POLR3B: variants seen among roughly 807,000 people sequenced by gnomAD.
The protein encoded by POLR3B is RNA polymerase III subunit B, also known as DNA-directed RNA polymerase III subunit RPC2.
Under a neutral mutation model 147.4 loss-of-function variants are expected in POLR3B, and 96 were observed. The ratio of observed to expected loss-of-function variants is 0.65; its 90% confidence interval spans 0.55 to 0.77. The LOEUF (loss-of-function observed/expected upper bound fraction) is 0.77, where lower values mean the gene tolerates loss of function less well. POLR3B is among the 30% of genes least tolerant of loss of function. The pLI, the probability that POLR3B is intolerant of heterozygous loss-of-function variation, is 0.00. For synonymous variants in POLR3B, 461 were observed against 485.9 expected (o/e 0.95, Z 0.67); for missense variants, 1,036 against 1,413.5 (o/e 0.73, Z 4.28).
At chr12:106,419,324 T>TC (rs1224165500) in intron 12 of POLR3B, among the ~76,000 whole-genome samples, 3 of 152,112 alleles carry the variant, frequency 2.0e-5, no homozygotes, top group African/African-American at 7.2e-5. Flanking sequence ...GAAAAGGTGG[T>TC]TTTAGTAGAA....
rs1401906309 is a variant in POLR3B at position 106,377,070 on chromosome 12, A to ATT, written c.496+620_496+621insTT. Reference sequence around the variant, plus strand: ...TAAAAATTCAAGAATAATCTTCCAGAGTTACTGGCCTTGCCTGGTTGAAAA... The same window carrying ATT: ...TAAAAATTCAAGAATAATCTTCCAGATTGTTACTGGCCTTGCCTGGTTGAAAA... On this transcript the variant is annotated intron_variant, in intron 7 of 27. Coordinates refer to ENST00000228347, the MANE Select transcript of POLR3B (RefSeq NM_018082.6). 2.6e-5 allele frequency among the ~76,000 whole-genome samples: 4 copies of ATT among 152,234 alleles called. No homozygotes were observed. The East Asian group carries it at 7.7e-4, about 29-fold the overall frequency.
intron 6 of POLR3B, among the ~76,000 whole-genome samples, chr12:106,374,742 C>A (rs1047098329): frequency 2.0e-5 from 3 of 152,040 alleles, no homozygotes; most frequent in Non-Finnish European, 2.9e-5. Context: ...GGTCTCGATC[C>A]CTTGACCTTG....
intron 23 of POLR3B, among the ~76,000 whole-genome samples, chr12:106,481,490 C>G (rs562430463): frequency 9.2e-5 from 14 of 152,290 alleles, no homozygotes; most frequent in African/African-American, 3.1e-4. Flanking sequence ...CTGAGCCTTC[C>G]CAGGAATCGG....
chr12:106,507,796 T>G (rs757359117), intron 27 of POLR3B: 4 of 456,036 alleles, frequency 8.8e-6, no homozygotes, highest in Non-Finnish European at 4.4e-6. Context: ...CAGCCTCAGT[T>G]CTTGCTTTTC....
chr12:106,464,643 A>G (rs1168944994), intron 23 of POLR3B, among the ~76,000 whole-genome samples: 1 of 152,092 alleles, frequency 6.6e-6, no homozygotes, highest in Non-Finnish European at 1.5e-5. Flanking sequence ...ATTAACATTG[A>G]CCATCTTTTT....
intron 12 of POLR3B, among the ~76,000 whole-genome samples, chr12:106,424,639 G>T (rs2037413419): frequency 6.6e-6 from 1 of 152,020 alleles, no homozygotes; most frequent in African/African-American, 2.4e-5. Context: ...AAGCCTGTTT[G>T]CAGAATAATG....
At chr12:106,489,417 A>G (rs1322354950) in intron 23 of POLR3B, among the ~76,000 whole-genome samples, 2 of 152,232 alleles carry the variant, frequency 1.3e-5, no homozygotes, top group African/African-American at 4.8e-5. Flanking sequence ...ACCCTCTCTT[A>G]TACAAGAAAA....
chr12:106,436,614 C>T (rs2037579989), intron 16 of POLR3B, among the ~76,000 whole-genome samples: 1 of 152,142 alleles, frequency 6.6e-6, no homozygotes, highest in Non-Finnish European at 1.5e-5. Context: ...TGCTTCTTTG[C>T]CTGTTAACTC....
rs368511518 is a variant in POLR3B, at chr12:106,380,028, T to C, written c.615-3T>C. The C allele has an allele frequency of 1.2e-4, 186 of 1,595,440 alleles. No individual in the cohort carries two copies. The highest frequency in any genetic ancestry group is 6.6e-4 in the Middle Eastern group (4 of 6,056). On this transcript the variant is annotated splice_region_variant and splice_polypyrimidine_tract_variant and intron_variant, in intron 8 of 27. Transcript: ENST00000228347. ...AGTTTAACCAACTTGTATTTACTCATAGCTCTACCCATGAGAAAAAAAGCA... is the reference window on the plus strand; with the variant it reads ...AGTTTAACCAACTTGTATTTACTCACAGCTCTACCCATGAGAAAAAAAGCA...
rs34915594 is a variant in POLR3B, at chr12:106,477,891, CTTTTTTTTTTTTTTTTT to C, written c.2713+14285_2713+14301del. Among the ~76,000 whole-genome samples, 113 of 70,564 alleles carry C rather than the reference CTTTTTTTTTTTTTTTTT, an allele frequency of 1.6e-3. 1 individual carries two copies. Among genetic ancestry groups the C allele is most frequent in the Middle Eastern group, 0.014 (1 of 70 alleles). 46.3% of individuals were successfully genotyped at this position (70,564 alleles called of 152,430 possible). On this transcript the variant is annotated intron_variant, in intron 23 of 27. Coordinates refer to ENST00000228347, the MANE Select transcript of POLR3B (RefSeq NM_018082.6). ...CTATTCGGCCATCTTGGCTCCTCCC[CTTTTTTTTTTTTTTTTT>C]TTTTTTTTTTTTTGGAGACAGAGCC... is the stretch of plus-strand genomic sequence containing the variant.
At chr12:106,446,778 A>T (rs1424135719) in intron 19 of POLR3B, among the ~76,000 whole-genome samples, 1 of 152,232 alleles carries the variant, frequency 6.6e-6, no homozygotes, top group African/African-American at 2.4e-5. Context: ...GTTTGTTATT[A>T]TAAAACACCT....
intron 23 of POLR3B, among the ~76,000 whole-genome samples, chr12:106,495,118 A>G (rs2038460105): frequency 2.0e-5 from 3 of 152,204 alleles, no homozygotes; most frequent in East Asian, 1.9e-4. Flanking sequence ...TCTTAGTCCA[A>G]TGACACTGTA....
chr12:106,409,766 G>A (rs1162935070), intron 11 of POLR3B, among the ~76,000 whole-genome samples: 3 of 150,696 alleles, frequency 2.0e-5, no homozygotes, highest in African/African-American at 7.3e-5. Context: ...AAATGATTAA[G>A]GTAAGTAAAG....
intron 18 of POLR3B, 22 bp downstream of exon 18, chr12:106,437,801 C>G (rs2037597860): frequency 7.5e-7 from 1 of 1,340,698 alleles, no homozygotes; most frequent in African/African-American, 1.4e-5. Context: ...CCATAGCAAC[C>G]ATAATTAAAA....
chr12:106,385,242 A>G (rs1454924011), intron 9 of POLR3B, among the ~76,000 whole-genome samples: 2 of 152,112 alleles, frequency 1.3e-5, no homozygotes, highest in African/African-American at 4.8e-5. Context: ...GCAATGGTTC[A>G]GTATTCACTA....
rs202188040 is a variant in POLR3B at position 106,451,636 on chromosome 12, G to T, written c.2084-2866G>T. Among the ~76,000 whole-genome samples, 82 of 139,174 alleles carry T rather than the reference G, an allele frequency of 5.9e-4. 5 individuals carry two copies. The highest frequency in any genetic ancestry group is 2.0e-3 in the African/African-American group (73 of 36,854). 91.3% of individuals were successfully genotyped at this position (139,174 alleles called of 152,430 possible). Reference sequence around the variant, plus strand: ...GACTCTGTTATTTAAAAAAAGGCGGGGGGGGAGGAGAGGGGAGGGAAGGAG... The same window carrying T: ...GACTCTGTTATTTAAAAAAAGGCGGTGGGGGAGGAGAGGGGAGGGAAGGAG... On this transcript the variant is annotated intron_variant, in intron 19 of 27. Transcript: ENST00000228347.
At chr12:106,366,747 G>A in intron 4 of POLR3B, 25 bp downstream of exon 4, 1 of 1,528,214 alleles carries the variant, frequency 6.5e-7, no homozygotes, top group Non-Finnish European at 9.1e-7. Context: ...TTCTTAATTT[G>A]CTATGTGGGT....
At chr12:106,411,806 CTT>C (rs1472303183) in intron 12 of POLR3B, among the ~76,000 whole-genome samples, 1 of 152,214 alleles carries the variant, frequency 6.6e-6, no homozygotes, top group Non-Finnish European at 1.5e-5. Flanking sequence ...CTGTGTATCT[CTT>C]TCAACTGGCT....
At chr12:106,494,359 G>A (rs867102065) in intron 23 of POLR3B, among the ~76,000 whole-genome samples, 23 of 152,066 alleles carry the variant, frequency 1.5e-4, no homozygotes, top group African/African-American at 5.6e-4. Flanking sequence ...CTGAGCAGAC[G>A]CCAGCCTCCT....
Sources: gnomAD v4.1 joint callset for allele counts (sites outside exome capture counted in the v4.1 genomes callset) on GRCh38, gnomAD v4.1.1 for gene constraint, MANE v1.5 for transcripts, NCBI Gene and HGNC (gene_info 2026-07-23, HGNC 2026-07-21) for gene names.